Variants in MYO16 observed in about 807,000 individuals in gnomAD.
MYO16 encodes unconventional myosin-XVI.
Under a neutral mutation model 205.3 loss-of-function variants are expected in MYO16, and 94 were observed. The observed-to-expected ratio is 0.46, with a 90% CI of 0.39 to 0.54. The LOEUF (loss-of-function observed/expected upper bound fraction) is 0.54. Among genes scored for constraint, MYO16 ranks in the 20% least tolerant of loss-of-function variants. The pLI, the probability that MYO16 is intolerant of heterozygous loss-of-function variation, is 0.00. For missense variants in MYO16, 2,315 were observed against 2,387.5 expected, an observed-to-expected ratio of 0.97 and a Z score of 0.63; for synonymous variants, 988 against 954.0, an observed-to-expected ratio of 1.04 and a Z score of -0.66.
intron 28 of MYO16, among the ~76,000 whole-genome samples, chr13:109,104,258 G>A (rs1036325258): frequency 6.6e-6 from 1 of 152,092 alleles, no homozygotes; most frequent in Non-Finnish European, 1.5e-5. Context: ...ACTTGGAAGG[G>A]GTAGATTATG....
intron 9 of MYO16, among the ~76,000 whole-genome samples, chr13:108,833,628 A>G (rs1203317757): frequency 1.3e-5 from 2 of 152,166 alleles, no homozygotes; most frequent in African/African-American, 4.8e-5. Flanking sequence ...ATAATGGGCG[A>G]TAATTGTTGC....
intron 2 of MYO16, among the ~76,000 whole-genome samples, chr13:108,712,252 T>C (rs896006713): frequency 3.3e-5 from 5 of 152,238 alleles, no homozygotes; most frequent in African/African-American, 1.2e-4. Context: ...TAAACTTTTA[T>C]TGCTTTAAGC....
chr13:108,752,407 G>T (rs573255951), intron 4 of MYO16, among the ~76,000 whole-genome samples: 2 of 152,216 alleles, frequency 1.3e-5, no homozygotes, highest in South Asian at 4.1e-4. Context: ...GCACAGATTC[G>T]TACAAAGGTT....
the MYO16 span, among the ~76,000 whole-genome samples, chr13:108,543,520 T>C: frequency 6.6e-6 from 1 of 151,358 alleles, no homozygotes. Flanking sequence ...CGGGCGCCTG[T>C]AGTCCCAGCT....
intron 4 of MYO16, among the ~76,000 whole-genome samples, chr13:108,754,137 A>T (rs191649069): frequency 3.3e-5 from 5 of 152,344 alleles, no homozygotes; most frequent in Admixed American, 2.0e-4. Flanking sequence ...AGCATGCAGG[A>T]CAAGCTGTAG....
At chr13:109,037,613 T>C (rs1886756059) in intron 23 of MYO16, among the ~76,000 whole-genome samples, 1 of 151,886 alleles carries the variant, frequency 6.6e-6, no homozygotes, top group African/African-American at 2.4e-5. Flanking sequence ...GTAAAAACTA[T>C]GCAAAGGTAG....
At chr13:109,042,180 C>G (rs146182309) in intron 23 of MYO16, among the ~76,000 whole-genome samples, 1 of 152,236 alleles carries the variant, frequency 6.6e-6, no homozygotes, top group East Asian at 1.9e-4. Flanking sequence ...TTGCCTTTGA[C>G]AAGGCCAATG....
chr13:108,936,113 C>CTTCT lies in MYO16; in HGVS notation c.1926-21572_1926-21571insTTTC, dbSNP rs1261369046. Among the ~76,000 whole-genome samples, 642 of 144,562 alleles carry CTTCT rather than the reference C, an allele frequency of 4.4e-3. 2 individuals are homozygous for CTTCT. Among genetic ancestry groups the CTTCT allele is most frequent in the Non-Finnish European group, 3.6e-3 (242 of 66,656 alleles). The allele number at this position is 144,562 out of a possible 152,430, so 94.8% of individuals were successfully genotyped here. A position where few individuals can be genotyped will look rare whatever the true frequency, so the allele number is the denominator to read the frequency against. ...CCTTCCTTCCTTCCTTCCTTCCTTC[C>CTTCT]TTCCTTCCTTCCTTCCTTCCTTCCT... On this transcript the variant is annotated intron_variant, in intron 16 of 34. Transcript: ENST00000457511.
chr13:109,038,976 C>G (rs978895603), intron 23 of MYO16, among the ~76,000 whole-genome samples: 1 of 152,046 alleles, frequency 6.6e-6, no homozygotes, highest in Non-Finnish European at 1.5e-5. Context: ...GAGATAATAC[C>G]CCACTACCCA....
upstream of MYO16, among the ~76,000 whole-genome samples, chr13:108,626,585 C>A (rs9520953): frequency 0.99 from 150,764 of 152,162 alleles, 74,708 homozygotes; most frequent in Middle Eastern, 1. Context: ...AGGCAGGTGG[C>A]TCACCTGAGG....
chr13:108,804,056 T>C (rs1566339605), intron 6 of MYO16, among the ~76,000 whole-genome samples: 1 of 152,176 alleles, frequency 6.6e-6, no homozygotes, highest in Non-Finnish European at 1.5e-5. Flanking sequence ...CAAATCTGAG[T>C]GCTGGAGGCT....
chr13:108,571,700 C>T, the MYO16 span, among the ~76,000 whole-genome samples: 6 of 151,036 alleles, frequency 4.0e-5, no homozygotes, highest in Admixed American at 1.3e-4. Context: ...TGTGCATGAC[C>T]TTGCATATAT....
chr13:108,646,508 C>G (rs1267782269), intron 1 of MYO16, among the ~76,000 whole-genome samples: 1 of 152,190 alleles, frequency 6.6e-6, no homozygotes, highest in Non-Finnish European at 1.5e-5. Context: ...TTATGTCATT[C>G]TGTAGAATTT....
intron 4 of MYO16, among the ~76,000 whole-genome samples, chr13:108,770,084 C>T (rs1885912805): frequency 6.6e-6 from 1 of 152,008 alleles, no homozygotes; most frequent in South Asian, 2.1e-4. Context: ...TGCCTAGTGA[C>T]ACGGGAAAGA....
chr13:108,833,968 C>T (rs1300538989), intron 9 of MYO16, among the ~76,000 whole-genome samples: 1 of 151,968 alleles, frequency 6.6e-6, no homozygotes, highest in African/African-American at 2.4e-5. Context: ...AAATAAAGTT[C>T]TATTACTAAT....
chr13:108,977,976 A>G (rs1475511766), intron 20 of MYO16, among the ~76,000 whole-genome samples: 1 of 152,056 alleles, frequency 6.6e-6, no homozygotes, highest in African/African-American at 2.4e-5. Context: ...ATATTTCAAC[A>G]TTTATTATTG....
chr13:108,817,914 A>C (rs1875721615), intron 7 of MYO16, among the ~76,000 whole-genome samples: 1 of 152,226 alleles, frequency 6.6e-6, no homozygotes, highest in Non-Finnish European at 1.5e-5. Context: ...TATCTGGAAC[A>C]GAATCATAAT....
chr13:109,159,787 G>C (rs1196034817), intron 32 of MYO16, among the ~76,000 whole-genome samples: 1 of 152,238 alleles, frequency 6.6e-6, no homozygotes, highest in Non-Finnish European at 1.5e-5. Context: ...GAGAAGGAGA[G>C]AGAGGCTGGG....
At chr13:108,891,285 C>G (rs918777599) in intron 14 of MYO16, among the ~76,000 whole-genome samples, 1 of 152,158 alleles carries the variant, frequency 6.6e-6, no homozygotes, top group Non-Finnish European at 1.5e-5. Context: ...ATTTGTCTTA[C>G]CTGCCCTGCT....
Sources: allele counts gnomAD v4.1 joint callset (sites outside exome capture counted in the v4.1 genomes callset), GRCh38; gene constraint gnomAD v4.1.1; transcripts MANE v1.5; gene names NCBI Gene and HGNC (gene_info 2026-07-23, HGNC 2026-07-21).